The following SKIC3 variants were observed in gnomAD, a reference collection of about 807,000 sequenced individuals.
SKIC3 encodes the protein SKI3 subunit of superkiller complex, also known as superkiller complex protein 3.
At chr5:95,531,788 ACT>A in the SKIC3 span, among the ~76,000 whole-genome samples, 1 of 152,142 alleles carries the variant, frequency 6.6e-6, no homozygotes, top group East Asian at 1.9e-4. Flanking sequence ...TATGACCTTT[ACT>A]ATTAGTCTTA....
chr5:95,465,875 G>T, the SKIC3 span, among the ~76,000 whole-genome samples: 2 of 152,190 alleles, frequency 1.3e-5, no homozygotes, highest in Non-Finnish European at 2.9e-5. Flanking sequence ...TGAAAAGATA[G>T]ACTAGAACAA....
chr5:95,526,692 C>T, the SKIC3 span, among the ~76,000 whole-genome samples: 1 of 152,074 alleles, frequency 6.6e-6, no homozygotes, highest in South Asian at 2.1e-4. Context: ...TGGTCTCAAA[C>T]TCCTGACCTC....
At chr5:95,508,075 C>T in the SKIC3 span, among the ~76,000 whole-genome samples, 1 of 152,080 alleles carries the variant, frequency 6.6e-6, no homozygotes, top group Admixed American at 6.6e-5. Flanking sequence ...TTTTCATATA[C>T]ACTCATTTTC....
At chr5:95,538,561 C>G in the SKIC3 span, among the ~76,000 whole-genome samples, 1 of 151,964 alleles carries the variant, frequency 6.6e-6, no homozygotes, top group Non-Finnish European at 1.5e-5. Flanking sequence ...TTTAAAAATT[C>G]CACTCAATTT....
chr5:95,511,579 A>G, the SKIC3 span, among the ~76,000 whole-genome samples: 5 of 152,116 alleles, frequency 3.3e-5, no homozygotes, highest in Non-Finnish European at 7.4e-5. Flanking sequence ...CACAATATCT[A>G]CAGTGAGGCA....
At chr5:95,528,498 G>A in the SKIC3 span, among the ~76,000 whole-genome samples, 1 of 152,178 alleles carries the variant, frequency 6.6e-6, no homozygotes, top group African/African-American at 2.4e-5. Flanking sequence ...TAAGGATACT[G>A]GAAGGGGAAA....
chr5:95,532,242 T>G, the SKIC3 span, among the ~76,000 whole-genome samples: 2 of 152,164 alleles, frequency 1.3e-5, no homozygotes. Flanking sequence ...AAGTGTGGGT[T>G]GGTACACGAA....
chr5:95,523,469 C>G, the SKIC3 span: 3 of 1,179,024 alleles, frequency 2.5e-6, no homozygotes, highest in Non-Finnish European at 3.5e-6. Context: ...ACAGTTTCAA[C>G]AATAAGTGGT....
the SKIC3 span, among the ~76,000 whole-genome samples, chr5:95,507,389 A>T: frequency 6.6e-6 from 1 of 152,196 alleles, no homozygotes; most frequent in African/African-American, 2.4e-5. Context: ...GAAGCCAGGA[A>T]ATTGAATGCT....
chr5:95,533,464 A>T, the SKIC3 span, among the ~76,000 whole-genome samples: 1 of 152,154 alleles, frequency 6.6e-6, no homozygotes, highest in African/African-American at 2.4e-5. Flanking sequence ...AAAAGCACAG[A>T]TTCCTATTGT....
the SKIC3 span, among the ~76,000 whole-genome samples, chr5:95,472,372 T>C: frequency 9.8e-4 from 150 of 152,320 alleles, 1 homozygote; most frequent in Middle Eastern, 3.4e-3. Context: ...ACGCTAGCAA[T>C]TCTCCTCTTC....
chr5:95,553,807 T>C, the SKIC3 span, among the ~76,000 whole-genome samples: 2 of 152,152 alleles, frequency 1.3e-5, no homozygotes, highest in Non-Finnish European at 2.9e-5. Flanking sequence ...GATCCGCCCG[T>C]CTCGGCTTCC....
At chr5:95,516,682 T>C in the SKIC3 span, 2 of 1,613,396 alleles carry the variant, frequency 1.2e-6, no homozygotes, top group Non-Finnish European at 1.7e-6. Context: ...CACTGTAACA[T>C]GCAACCACAC....
the SKIC3 span, among the ~76,000 whole-genome samples, chr5:95,479,707 GTGTGTGTA>G: frequency 6.6e-6 from 1 of 150,806 alleles, no homozygotes; most frequent in African/African-American, 2.5e-5. Flanking sequence ...GTGTGTGTGT[GTGTGTGTA>G]TAGTTCATTA....
At chr5:95,530,262 T>A in the SKIC3 span, 1 of 1,609,906 alleles carries the variant, frequency 6.2e-7, no homozygotes. Flanking sequence ...TTAGTATACA[T>A]ATATCGAGTT....
the SKIC3 span, chr5:95,523,350 T>C: frequency 6.3e-7 from 1 of 1,593,064 alleles, no homozygotes; most frequent in Non-Finnish European, 8.6e-7. Flanking sequence ...AATACTAATA[T>C]TAGATATATT....
the SKIC3 span, among the ~76,000 whole-genome samples, chr5:95,496,876 T>C: frequency 3.3e-5 from 5 of 152,300 alleles, no homozygotes; most frequent in Admixed American, 2.6e-4. Flanking sequence ...TATGAGAGGA[T>C]ATATTAACCA....
chr5:95,503,197 A>G, the SKIC3 span, among the ~76,000 whole-genome samples: 1 of 152,206 alleles, frequency 6.6e-6, no homozygotes, highest in African/African-American at 2.4e-5. Flanking sequence ...GTGATTCTGA[A>G]GTATCATTAG....
At chr5:95,536,927 T>C in the SKIC3 span, 4 of 1,613,320 alleles carry the variant, frequency 2.5e-6, no homozygotes, top group East Asian at 2.2e-5. Context: ...ATGAGGAAAC[T>C]TGAAAATATA....
Sources: allele counts gnomAD v4.1 joint callset (sites outside exome capture counted in the v4.1 genomes callset), GRCh38; gene constraint gnomAD v4.1.1; transcripts MANE v1.5; gene names NCBI Gene and HGNC (gene_info 2026-07-23, HGNC 2026-07-21).